PDGFC: variants seen among roughly 807,000 people sequenced by gnomAD.
The protein encoded by PDGFC is platelet derived growth factor C.
A neutral mutation model predicts 35.5 loss-of-function variants in PDGFC; 12 were observed. The ratio of observed to expected loss-of-function variants is 0.34; its 90% CI spans 0.22 to 0.55. The LOEUF is 0.55. Among genes scored for constraint, PDGFC ranks in the 20% least tolerant of loss-of-function variants. The probability of loss-of-function intolerance (pLI) is 0.91; values close to 1 mark genes in which losing one functional copy is unlikely to be tolerated. For missense variants in PDGFC, 322 were observed against 412.4 expected, an observed-to-expected ratio of 0.78 and a Z score of 1.90; for synonymous variants, 159 against 148.8, an observed-to-expected ratio of 1.07 and a Z score of -0.50.
In PDGFC at chr4:156,762,859, C is replaced by A; in HGVS notation, c.*231G>T. The A allele has an allele frequency of 2.3e-6, 1 of 438,158 alleles. No individual in the cohort carries two copies. The highest frequency in any genetic ancestry group is 3.4e-5 in the East Asian group (1 of 29,790). 27.1% of individuals were successfully genotyped at this position (438,158 alleles called of 1,614,324 possible). A position where few individuals can be genotyped will look rare whatever the true frequency, so the allele number is the denominator to read the frequency against. ...TTAATACAACATTTAATTTTCTTTC[C>A]ACGATTGAAGACCTTTTCTCCTGTC... On this transcript the variant is annotated 3_prime_UTR_variant, in exon 6 of 6. Coordinates refer to ENST00000502773, the MANE Select transcript of PDGFC (RefSeq NM_016205.3).
intron 1 of PDGFC, among the ~76,000 whole-genome samples, chr4:156,922,957 T>C (rs930953871): frequency 6.6e-6 from 1 of 152,226 alleles, no homozygotes; most frequent in Non-Finnish European, 1.5e-5. Context: ...CCTAAATTAC[T>C]TAATAACTTC....
intron 3 of PDGFC, among the ~76,000 whole-genome samples, chr4:156,792,863 G>A (rs938554884): frequency 3.9e-5 from 6 of 152,114 alleles, no homozygotes; most frequent in African/African-American, 1.4e-4. Context: ...AAAACTTAAA[G>A]ATTTCCAGAG....
intron 1 of PDGFC, among the ~76,000 whole-genome samples, chr4:156,964,366 C>A (rs955496561): frequency 6.7e-6 from 1 of 149,092 alleles, no homozygotes; most frequent in African/African-American, 2.5e-5. Context: ...TTGTCAGATG[C>A]CTACAGAAAC....
intron 1 of PDGFC, among the ~76,000 whole-genome samples, chr4:156,955,904 T>C (rs1215376721): frequency 6.6e-6 from 1 of 152,004 alleles, no homozygotes; most frequent in Non-Finnish European, 1.5e-5. Context: ...ACCATCTGCT[T>C]AGAACTCTCT....
intron 1 of PDGFC, among the ~76,000 whole-genome samples, chr4:156,884,176 T>C (rs1730320969): frequency 1.3e-5 from 2 of 152,214 alleles, no homozygotes; most frequent in Non-Finnish European, 2.9e-5. Flanking sequence ...GTTGGTGCCT[T>C]CTTTTCCTAT....
chr4:156,824,327 T>TACACACACAC (rs1204930651), intron 2 of PDGFC, among the ~76,000 whole-genome samples: 6 of 102,842 alleles, frequency 5.8e-5, no homozygotes, highest in African/African-American at 2.3e-4. Context: ...TATATATATA[T>TACACACACAC]ACACACACAC....
chr4:156,918,613 T>C (rs541991017), intron 1 of PDGFC, among the ~76,000 whole-genome samples: 1 of 152,274 alleles, frequency 6.6e-6, no homozygotes, highest in South Asian at 2.1e-4. Flanking sequence ...CGGACCCTAT[T>C]GTAAACTGCA....
intron 1 of PDGFC, among the ~76,000 whole-genome samples, chr4:156,914,870 A>G (rs1389804425): frequency 1.0e-5 from 1 of 99,250 alleles, no homozygotes; most frequent in African/African-American, 3.5e-5. Context: ...TATAAATACT[A>G]TGACAGACTG....
At chr4:156,886,637 T>C (rs1397354890) in intron 1 of PDGFC, 3 of 152,194 alleles carry the variant, frequency 2.0e-5, no homozygotes, top group Non-Finnish European at 4.4e-5. Context: ...ATATAATTAA[T>C]GGTTGCCTCA....
chr4:156,828,483 C>T (rs1728841111), intron 2 of PDGFC, among the ~76,000 whole-genome samples: 1 of 152,078 alleles, frequency 6.6e-6, no homozygotes, highest in Admixed American at 6.5e-5. Flanking sequence ...AGAAATTTAC[C>T]TCTGTTTTCT....
At chr4:156,766,545 A>G (rs1284875379) in intron 5 of PDGFC, among the ~76,000 whole-genome samples, 10 of 152,158 alleles carry the variant, frequency 6.6e-5, no homozygotes, top group Non-Finnish European at 1.5e-4. Flanking sequence ...TTTAAATTTT[A>G]CAAAACCTTT....
At chr4:156,801,583 A>C (rs900936371) in intron 3 of PDGFC, among the ~76,000 whole-genome samples, 8 of 152,180 alleles carry the variant, frequency 5.3e-5, no homozygotes, top group South Asian at 2.1e-4. Context: ...CTTGGAAGCC[A>C]TTTATAGAGC....
chr4:156,768,552 C>A (rs1578996656), intron 4 of PDGFC, among the ~76,000 whole-genome samples: 3 of 151,782 alleles, frequency 2.0e-5, no homozygotes, highest in South Asian at 2.1e-4. Flanking sequence ...GCTGTGTAGA[C>A]CATGAGTGAA....
intron 1 of PDGFC, among the ~76,000 whole-genome samples, chr4:156,962,250 T>C (rs930690544): frequency 1.3e-5 from 2 of 152,132 alleles, no homozygotes; most frequent in African/African-American, 2.4e-5. Flanking sequence ...TCGCCCATGA[T>C]ATATGCCTCT....
intron 1 of PDGFC, among the ~76,000 whole-genome samples, chr4:156,925,148 A>C (rs970617070): frequency 6.6e-6 from 1 of 152,218 alleles, no homozygotes; most frequent in Non-Finnish European, 1.5e-5. Context: ...TGTTTTCAGG[A>C]AGGAAATGTC....
At chr4:156,824,327 T>TATATATATACACACATATACACATAC (rs1491500876) in intron 2 of PDGFC, among the ~76,000 whole-genome samples, 1 of 102,838 alleles carries the variant, frequency 9.7e-6, no homozygotes, top group Non-Finnish European at 1.9e-5. Context: ...TATATATATA[T>TATATATATACACACATATACACATAC]ACACACACAC....
rs192513286 is a variant in PDGFC at position 156,876,854 on chromosome 4, G to A, written c.119-26438C>T. 426 of 151,800 alleles carry A rather than the reference G, an allele frequency of 2.8e-3. 3 individuals are homozygous for A. Among genetic ancestry groups the A allele is most frequent in the African/African-American group, 9.9e-3 (411 of 41,420 alleles). The allele number at this position is 151,800 out of a possible 1,614,324, so 9.4% of individuals were successfully genotyped here. A position where few individuals can be genotyped will look rare whatever the true frequency, so the allele number is the denominator to read the frequency against. On this transcript the variant is annotated intron_variant, in intron 1 of 5. Coordinates refer to ENST00000502773, the MANE Select transcript of PDGFC (RefSeq NM_016205.3). Reference sequence around the variant, plus strand: ...GTTGTTAATAAGATTATTTTTATTCGTTAAGACACCATCAAAACAAAAAAA... The same window carrying A: ...GTTGTTAATAAGATTATTTTTATTCATTAAGACACCATCAAAACAAAAAAA...
At chr4:156,807,386 T>C (rs1184594582) in intron 3 of PDGFC, among the ~76,000 whole-genome samples, 1 of 151,942 alleles carries the variant, frequency 6.6e-6, no homozygotes, top group Non-Finnish European at 1.5e-5. Flanking sequence ...GTAAGGTACC[T>C]GTGAATCAAG....
intron 1 of PDGFC, among the ~76,000 whole-genome samples, chr4:156,903,604 T>A (rs927229942): frequency 6.6e-6 from 1 of 151,824 alleles, no homozygotes; most frequent in African/African-American, 2.4e-5. Context: ...ATAAAAGAGA[T>A]CCAATAATTA....
Sources: allele counts gnomAD v4.1 joint callset (sites outside exome capture counted in the v4.1 genomes callset), GRCh38; gene constraint gnomAD v4.1.1; transcripts MANE v1.5; gene names NCBI Gene and HGNC (gene_info 2026-07-23, HGNC 2026-07-21).